ADAMTS3: variants seen among roughly 807,000 people sequenced by gnomAD.
ADAMTS3 encodes the protein ADAM metallopeptidase with thrombospondin type 1 motif 3, also known as A disintegrin and metalloproteinase with thrombospondin motifs 3.
Under a neutral mutation model 129.0 loss-of-function variants are expected in ADAMTS3, and 73 were observed. The observed-to-expected ratio is 0.57, with a 90% CI of 0.47 to 0.69. The LOEUF is 0.69. Ranked by LOEUF, ADAMTS3 falls within the 30% of genes least tolerant of loss-of-function variation. ADAMTS3 has a pLI of 0.00. For missense variants in ADAMTS3, 1,457 were observed against 1,514.5 expected (o/e 0.96, Z 0.63); for synonymous variants, 477 against 510.8 (o/e 0.93, Z 0.89).
At chr4:72,334,599 T>C (rs1358722470) in intron 5 of ADAMTS3, among the ~76,000 whole-genome samples, 3 of 152,118 alleles carry the variant, frequency 2.0e-5, no homozygotes, top group African/African-American at 7.2e-5. Flanking sequence ...GGGTCAACAA[T>C]TTTTATCATG....
intron 4 of ADAMTS3, among the ~76,000 whole-genome samples, chr4:72,391,487 G>A (rs530842030): frequency 2.6e-5 from 4 of 152,192 alleles, no homozygotes; most frequent in Admixed American, 6.5e-5. Flanking sequence ...AAATTGGTAA[G>A]TGAAAGCCCT....
intron 4 of ADAMTS3, among the ~76,000 whole-genome samples, chr4:72,405,616 A>G (rs761285616): frequency 1.3e-5 from 2 of 152,138 alleles, no homozygotes; most frequent in South Asian, 2.1e-4. Flanking sequence ...CCTGTTTATC[A>G]TAAGTCTTAG....
chr4:72,423,452 C>G (rs1041941727), intron 3 of ADAMTS3, among the ~76,000 whole-genome samples: 3 of 152,036 alleles, frequency 2.0e-5, no homozygotes, highest in African/African-American at 7.2e-5. Flanking sequence ...TGTGAATCAC[C>G]GTTTCACTGT....
chr4:72,556,489 T>A (rs1184788680), intron 2 of ADAMTS3, among the ~76,000 whole-genome samples: 1 of 151,678 alleles, frequency 6.6e-6, no homozygotes, highest in South Asian at 2.1e-4. Context: ...TCAGTATAAA[T>A]CTCTTATATG....
chr4:72,435,602 G>A (rs562194813), intron 3 of ADAMTS3, among the ~76,000 whole-genome samples: 127 of 151,796 alleles, frequency 8.4e-4, no homozygotes, highest in African/African-American at 2.9e-3. Flanking sequence ...TCCTTTAATT[G>A]ACTGTCGACT....
chr4:72,356,583 C>T (rs551238644), intron 4 of ADAMTS3, among the ~76,000 whole-genome samples: 93 of 151,566 alleles, frequency 6.1e-4, no homozygotes, highest in African/African-American at 1.5e-3. Context: ...TAAATATGAA[C>T]GCTGATTTAT....
In ADAMTS3 at chr4:72,283,334, C is replaced by CT; in HGVS notation, c.3419dup (p.Thr1141AspfsTer34). The stretch of plus-strand genomic sequence containing the variant: ...ATGGTACGGTGACCAGTCTCACAGT[C>CT]TTACTTCCTGCTTGCTGAGCACTCC... On this transcript the variant is annotated frameshift_variant, in exon 22 of 22. Coordinates refer to ENST00000286657, the MANE Select transcript of ADAMTS3 (RefSeq NM_014243.3). LOFTEE classifies it low-confidence loss of function (END_TRUNC). 1 of 1,613,870 alleles carries CT rather than the reference C, an allele frequency of 6.2e-7. No individual in the cohort carries two copies. Among genetic ancestry groups the CT allele is most frequent in the Non-Finnish European group, 8.5e-7 (1 of 1,179,822 alleles).
intron 3 of ADAMTS3, among the ~76,000 whole-genome samples, chr4:72,534,143 C>G (rs981166079): frequency 6.6e-6 from 1 of 152,072 alleles, no homozygotes; most frequent in Non-Finnish European, 1.5e-5. Context: ...CTGGCTAACA[C>G]GGTGAAAACC....
chr4:72,373,116 G>C (rs1180457702), intron 4 of ADAMTS3, among the ~76,000 whole-genome samples: 1 of 152,124 alleles, frequency 6.6e-6, no homozygotes, highest in Non-Finnish European at 1.5e-5. Context: ...AAATTACATG[G>C]AAACGGAAAG....
chr4:72,298,429 T>C lies in ADAMTS3; in HGVS notation c.2438A>G (p.Glu813Gly), dbSNP rs760391004. 6.2e-7 allele frequency: 1 copy of C among 1,603,982 alleles called. No individual in the cohort carries two copies. The stretch of plus-strand genomic sequence containing the variant: ...TGTCAGGCTAGAGCGGGTATCATTT[T>C]CTTGAGGTATAATCTAACATACACA... ...DPVIVLIIPQENDTRSSLTYK... is the reference protein window; with the variant it reads ...DPVIVLIIPQGNDTRSSLTYK... Residue 813 changes from glutamate (E) to glycine (G), a missense_variant, in exon 18 of 22, where the codon GAA becomes GGA. Glu to Gly is a moderately conservative substitution (Grantham distance 98, BLOSUM62 -2). Coordinates refer to ENST00000286657, the MANE Select transcript of ADAMTS3 (RefSeq NM_014243.3).
intron 3 of ADAMTS3, among the ~76,000 whole-genome samples, chr4:72,520,720 C>T (rs934572748): frequency 3.3e-5 from 5 of 152,126 alleles, no homozygotes; most frequent in Admixed American, 3.3e-4. Context: ...GTGGGATTGA[C>T]CCGATTTTCC....
At chr4:72,495,234 G>A (rs945765401) in intron 3 of ADAMTS3, among the ~76,000 whole-genome samples, 7 of 152,096 alleles carry the variant, frequency 4.6e-5, no homozygotes, top group Non-Finnish European at 7.4e-5. Context: ...TAGTGACACC[G>A]TTATCTAAGG....
At chr4:72,383,537 T>C (rs143904556) in intron 4 of ADAMTS3, among the ~76,000 whole-genome samples, 296 of 152,316 alleles carry the variant, frequency 1.9e-3, no homozygotes, top group African/African-American at 6.7e-3. Context: ...GTGACTTCCA[T>C]ATTCTGCAAA....
chr4:72,494,739 G>GGTAGGGTGTGACT (rs1349655718), intron 3 of ADAMTS3, among the ~76,000 whole-genome samples: 1 of 152,094 alleles, frequency 6.6e-6, no homozygotes. Flanking sequence ...ATTTACCTAA[G>GGTAGGGTGTGACT]GTAGGGTGTG....
At chr4:72,366,150 A>C (rs1232537981) in intron 4 of ADAMTS3, among the ~76,000 whole-genome samples, 1 of 152,214 alleles carries the variant, frequency 6.6e-6, no homozygotes, top group African/African-American at 2.4e-5. Context: ...ATGGAATGAA[A>C]GGCATTGGCA....
chr4:72,478,827 T>C lies in ADAMTS3; in HGVS notation c.505-63856A>G, dbSNP rs568284148. ...TCAGCCCAAAATCTCCTTAAGCTGA[T>C]AAGCAACTTCAGCAAAGTCTCAGGA... On this transcript the variant is annotated intron_variant, in intron 3 of 21. Transcript: ENST00000286657. Among the ~76,000 whole-genome samples, 311 of 152,074 alleles carry C rather than the reference T, an allele frequency of 2.0e-3. 1 individual carries two copies. Among genetic ancestry groups the C allele is most frequent in the Non-Finnish European group, 3.4e-3 (234 of 67,994 alleles).
chr4:72,305,118 C>T lies in ADAMTS3; in HGVS notation c.2260+869G>A, dbSNP rs1036287417. Among the ~76,000 whole-genome samples, 6 of 152,104 alleles carry T rather than the reference C, an allele frequency of 3.9e-5. No individual in the cohort carries two copies. In the South Asian group the frequency reaches 6.2e-4, roughly 16 times the overall value. ...GTGATGTCTTAGCTTCAGAAATTATCTTAGTGTTCTTATAGGCCAAGGAAT... is the reference window on the plus strand; with the variant it reads ...GTGATGTCTTAGCTTCAGAAATTATTTTAGTGTTCTTATAGGCCAAGGAAT... On this transcript the variant is annotated intron_variant, in intron 16 of 21. Coordinates refer to ENST00000286657, the MANE Select transcript of ADAMTS3 (RefSeq NM_014243.3).
intron 3 of ADAMTS3, among the ~76,000 whole-genome samples, chr4:72,474,850 C>A (rs1466746840): frequency 6.6e-6 from 1 of 151,506 alleles, no homozygotes; most frequent in East Asian, 1.9e-4. Flanking sequence ...AACGGTGAAA[C>A]CCCGTCTCTA....
intron 19 of ADAMTS3, among the ~76,000 whole-genome samples, chr4:72,292,636 T>C (rs974092796): frequency 1.3e-5 from 2 of 152,338 alleles, no homozygotes; most frequent in Admixed American, 6.5e-5. Context: ...TACACATGGT[T>C]ACCAAGTCCC....
Sources: gnomAD v4.1 joint callset for allele counts (sites outside exome capture counted in the v4.1 genomes callset) on GRCh38, gnomAD v4.1.1 for gene constraint, MANE v1.5 for transcripts, NCBI Gene and HGNC (gene_info 2026-07-23, HGNC 2026-07-21) for gene names.